The following PRELID2 variants were observed in gnomAD, a reference collection of about 807,000 sequenced individuals.
The protein encoded by PRELID2 is PRELI domain-containing protein 2.
In PRELID2, 25 loss-of-function variants were observed where a neutral mutation model predicts 28.4. The ratio of observed to expected loss-of-function variants is 0.88; its 90% CI spans 0.64 to 1.23. The LOEUF is 1.23. PRELID2 is among the 50% of genes most tolerant of loss of function. The pLI is 0.00. For synonymous variants in PRELID2, 76 were observed against 71.6 expected, an observed-to-expected ratio of 1.06 and a Z score of -0.31; for missense variants, 201 against 214.4, an observed-to-expected ratio of 0.94 and a Z score of 0.39.
chr5:145,640,403 G>C (rs1353192584), intron 1 of PRELID2, among the ~76,000 whole-genome samples: 2 of 150,978 alleles, frequency 1.3e-5, no homozygotes, highest in East Asian at 3.9e-4. Flanking sequence ...GTGAACCCGG[G>C]AGGCGGAGCT....
intron 1 of PRELID2, among the ~76,000 whole-genome samples, chr5:145,650,566 A>ATG (rs1383344110): frequency 7.5e-6 from 1 of 134,106 alleles, no homozygotes; most frequent in East Asian, 2.1e-4. Context: ...ATATATATAT[A>ATG]TATATATATA....
the PRELID2 span, among the ~76,000 whole-genome samples, chr5:145,383,068 G>C: frequency 6.6e-6 from 1 of 151,282 alleles, no homozygotes; most frequent in Non-Finnish European, 1.5e-5. Flanking sequence ...TTGATCTGTA[G>C]ACTCAATGCA....
intron 1 of PRELID2, among the ~76,000 whole-genome samples, chr5:145,505,326 A>C (rs1752399391): frequency 6.6e-6 from 1 of 152,126 alleles, no homozygotes; most frequent in Admixed American, 6.6e-5. Context: ...ACTCCCTCTG[A>C]GTAGCTATGG....
chr5:145,292,984 G>A, the PRELID2 span, among the ~76,000 whole-genome samples: 1 of 152,020 alleles, frequency 6.6e-6, no homozygotes. Flanking sequence ...ACCTTCTAAA[G>A]TGCTGGGATT....
At chr5:145,718,444 G>A (rs987875055) in intron 1 of PRELID2, among the ~76,000 whole-genome samples, 6 of 151,798 alleles carry the variant, frequency 4.0e-5, no homozygotes, top group African/African-American at 1.2e-4. Context: ...GATCTTCCAT[G>A]ACTTGAATAA....
At chr5:145,790,161 T>C (rs1046385280) in intron 5 of PRELID2, among the ~76,000 whole-genome samples, 15 of 152,154 alleles carry the variant, frequency 9.9e-5, no homozygotes, top group Admixed American at 3.3e-4. Context: ...ATCCGAAGAA[T>C]TGGGAATCAG....
the PRELID2 span, among the ~76,000 whole-genome samples, chr5:145,392,292 C>CT: frequency 0.32 from 48,788 of 151,978 alleles, 8,404 homozygotes; most frequent in East Asian, 0.74. Context: ...GCAAACATGT[C>CT]TTCTTCACAA....
At chr5:145,410,650 A>G in the PRELID2 span, among the ~76,000 whole-genome samples, 1 of 152,132 alleles carries the variant, frequency 6.6e-6, no homozygotes, top group Middle Eastern at 3.2e-3. Flanking sequence ...TCATAAGAAC[A>G]GCATGGGGGA....
the PRELID2 span, among the ~76,000 whole-genome samples, chr5:145,289,691 G>T: frequency 6.6e-6 from 1 of 152,144 alleles, no homozygotes; most frequent in Admixed American, 6.6e-5. Context: ...TTCTAAAGTG[G>T]TAGTCTCATT....
the PRELID2 span, among the ~76,000 whole-genome samples, chr5:145,379,780 A>T: frequency 6.6e-6 from 1 of 152,160 alleles, no homozygotes; most frequent in Non-Finnish European, 1.5e-5. Context: ...CACAGGAGCC[A>T]ACCTGCAGGA....
intron 1 of PRELID2, among the ~76,000 whole-genome samples, chr5:145,601,181 A>C (rs1456695093): frequency 1.3e-5 from 2 of 152,142 alleles, no homozygotes; most frequent in African/African-American, 4.8e-5. Flanking sequence ...AATAAATAAA[A>C]ATAAGCACCA....
the PRELID2 span, among the ~76,000 whole-genome samples, chr5:145,462,641 GC>G: frequency 6.6e-6 from 1 of 152,198 alleles, no homozygotes. Flanking sequence ...CTTCAGGTTG[GC>G]TTTGGCCATT....
At chr5:145,342,649 A>T in the PRELID2 span, among the ~76,000 whole-genome samples, 1 of 151,744 alleles carries the variant, frequency 6.6e-6, no homozygotes, top group South Asian at 2.1e-4. Flanking sequence ...GATTTAAAAA[A>T]TTTCTTTTTG....
intron 5 of PRELID2, among the ~76,000 whole-genome samples, chr5:145,790,028 C>T (rs954983286): frequency 1.3e-5 from 2 of 152,060 alleles, no homozygotes; most frequent in South Asian, 4.2e-4. Context: ...GAAAAGGATG[C>T]CCTTGTACAC....
chr5:145,232,255 C>T, the PRELID2 span, among the ~76,000 whole-genome samples: 1 of 152,150 alleles, frequency 6.6e-6, no homozygotes, highest in African/African-American at 2.4e-5. Flanking sequence ...GTATTAGCAG[C>T]TTAACATACA....
rs771466029 is a variant in PRELID2 at position 145,835,278 on chromosome 5, C to CGCG, written c.-28_-27insCGC. 6.6e-6 allele frequency: 10 copies of CGCG among 1,519,424 alleles called. No individual in the cohort carries two copies. Among genetic ancestry groups the CGCG allele is most frequent in the South Asian group, 1.2e-5 (1 of 83,118 alleles). 94.1% of individuals were successfully genotyped at this position (1,519,424 alleles called of 1,614,324 possible). Reference sequence around the variant, plus strand: ...CCCGCGCGCCGCGGGCCCCGCGCACCGGCCACGCCTCCGCGAGCTCAGAGC... The same window carrying CGCG: ...CCCGCGCGCCGCGGGCCCCGCGCACCGCGGGCCACGCCTCCGCGAGCTCAGAGC... On this transcript the variant is annotated 5_prime_UTR_variant, in exon 1 of 7. Transcript: ENST00000683046.
chr5:145,532,607 T>C (rs1752663779), intron 1 of PRELID2, among the ~76,000 whole-genome samples: 1 of 152,060 alleles, frequency 6.6e-6, no homozygotes, highest in African/African-American at 2.4e-5. Flanking sequence ...TTAACCAATC[T>C]CTTCCCATTC....
chr5:145,786,794 C>T (rs1473622503), intron 5 of PRELID2, among the ~76,000 whole-genome samples: 1 of 152,164 alleles, frequency 6.6e-6, no homozygotes, highest in African/African-American at 2.4e-5. Flanking sequence ...GTAGTATCTC[C>T]ACTTTTTTCT....
At chr5:145,480,287 C>A (rs1299684007) in intron 1 of PRELID2, among the ~76,000 whole-genome samples, 4 of 152,116 alleles carry the variant, frequency 2.6e-5, no homozygotes, top group Admixed American at 6.5e-5. Flanking sequence ...CAATCACCTG[C>A]AGATGTATTT....
Sources: gnomAD v4.1 joint callset for allele counts (sites outside exome capture counted in the v4.1 genomes callset) on GRCh38, gnomAD v4.1.1 for gene constraint, MANE v1.5 for transcripts, NCBI Gene and HGNC (gene_info 2026-07-23, HGNC 2026-07-21) for gene names.